MICALL2: variants seen among roughly 807,000 people sequenced by gnomAD.
MICALL2 encodes the protein MICAL like 2.
A neutral mutation model predicts 91.1 loss-of-function variants in MICALL2; 111 were observed. The observed-to-expected ratio is 1.22, with a 90% CI of 1.04 to 1.43. The LOEUF is 1.43. Among genes scored for constraint, MICALL2 ranks in the 40% most tolerant of loss-of-function variants. The probability of loss-of-function intolerance (pLI) is 0.00; values close to 1 mark genes in which losing one functional copy is unlikely to be tolerated. For missense variants in MICALL2, 1,556 were observed against 1,236.0 expected, an observed-to-expected ratio of 1.26 and a Z score of -3.88; for synonymous variants, 694 against 525.3, an observed-to-expected ratio of 1.32 and a Z score of -4.39.
chr7:1,435,003 G>A (rs1277130879), intron 16 of MICALL2, 98 bp downstream of exon 16: 5 of 75,966 alleles, frequency 6.6e-5, no homozygotes, highest in Non-Finnish European at 1.3e-4. Flanking sequence ...CCCACCCCCA[G>A]CTGGAGGCCC....
In MICALL2 at chr7:1,440,006, C is replaced by A. The variant is rs112889477; in HGVS notation, c.1885G>T (p.Ala629Ser). ...GTCAGGGTGATGTGGACACTCCCAG[C>A]AAAGCTGCCTGAGACCTTCCTGGGG... Reference protein sequence around the residue: ...EAPRKVSGSFAGSVHITLTPV... With the variant: ...EAPRKVSGSFSGSVHITLTPV... Residue 629 changes from alanine to serine, a missense_variant, in exon 9 of 17, where the codon GCT (alanine) becomes TCT (serine). By Grantham distance (99) the Ala-to-Ser change is moderately conservative. Transcript: ENST00000297508. The A allele has an allele frequency of 0.032, 49,785 of 1,555,512 alleles. 1,021 individuals are homozygous for A. The highest frequency in any genetic ancestry group is 0.039 in the Non-Finnish European group (45,352 of 1,161,654).
rs571300515 is a variant in MICALL2 at position 1,438,290 on chromosome 7, C to T, written c.2186G>A (p.Arg729Lys). 8 of 1,598,254 alleles carry T rather than the reference C, an allele frequency of 5.0e-6. No homozygotes were observed. The Admixed American group carries it at 6.9e-5, about 14-fold the overall frequency. ...LPGETVTSPVRLHPDYLSPEE... is the reference protein window; with the variant it reads ...LPGETVTSPVKLHPDYLSPEE... ...GCCCGGCTCCCCACCACTACTCACC[C>T]TGACTGGGGAGGTCACCGTCTCGCC... Residue 729 changes from arginine to lysine, a missense_variant and splice_region_variant, in exon 11 of 17, where the codon AGG (arginine) becomes AAG (lysine). Coordinates refer to ENST00000297508, the MANE Select transcript of MICALL2 (RefSeq NM_182924.4).
intron 1 of MICALL2, among the ~76,000 whole-genome samples, chr7:1,454,157 G>A (rs981829776): frequency 1.4e-5 from 2 of 144,036 alleles, no homozygotes; most frequent in South Asian, 2.4e-4. Context: ...ACAAGATTCC[G>A]CCATGGAGTG....
intron 9 of MICALL2, 30 bp from the exon 10 acceptor site, chr7:1,439,025 CT>C (rs767604862): frequency 1.5e-5 from 24 of 1,549,666 alleles, no homozygotes; most frequent in Non-Finnish European, 1.9e-5. Context: ...CAGAGCCACG[CT>C]TCAGAGCAGG....
At chr7:1,458,593 G>A (rs1262239318) in intron 1 of MICALL2, among the ~76,000 whole-genome samples, 2 of 152,262 alleles carry the variant, frequency 1.3e-5, no homozygotes, top group Admixed American at 6.5e-5. Context: ...GGGAGAGACA[G>A]CCTAGTCCTC....
chr7:1,440,729 G>T, intron 7 of MICALL2, 45 bp from the exon 8 acceptor site: 1 of 1,524,212 alleles, frequency 6.6e-7, no homozygotes, highest in South Asian at 1.1e-5. Context: ...GGAGTGCTGG[G>T]AATGGGGTGT....
intron 14 of MICALL2, 120 bp from the exon 15 acceptor site, chr7:1,436,976 G>T: frequency 1.5e-6 from 1 of 672,612 alleles, no homozygotes; most frequent in Non-Finnish European, 2.4e-6. Flanking sequence ...TGGGGTCTTG[G>T]GGGGATCCGG....
chr7:1,459,243 C>T lies in MICALL2; in HGVS notation c.84G>A (p.Thr28=). ...YRDVNICNMT[T]SFRDGLAFCA... ...AGAAAGCCAGGCCGTCGCGGAACGA[C>T]GTGGTCATGTTGCAGATATTCACGT... Residue 28 remains threonine (T), a synonymous_variant, in exon 1 of 17, where the codon ACG becomes ACA. Transcript: ENST00000297508. The T allele has an allele frequency of 1.2e-6, 2 of 1,611,246 alleles. No homozygotes were observed. The highest frequency in any genetic ancestry group is 2.2e-5 in the East Asian group (1 of 44,736).
rs1780207690 is a variant in MICALL2, at chr7:1,440,096, G to A, written c.1806-11C>T. 3 of 1,585,540 alleles carry A rather than the reference G, an allele frequency of 1.9e-6. No individual in the cohort carries two copies. The highest frequency in any genetic ancestry group is 1.7e-4 in the Middle Eastern group (1 of 5,846). ...TTGGGCTTCAGAGTCCTGGGCAGAA[G>A]GCATGAGGTCGGAACCCGAACCACC... On this transcript the variant is annotated splice_polypyrimidine_tract_variant and intron_variant, in intron 8 of 16. Transcript: ENST00000297508.
rs1284582884 is a variant in MICALL2 at position 1,445,380 on chromosome 7, T to C, written c.690A>G (p.Thr230=). ...CTLHSGAYKA[T]GEPGTFVCTS... is the part of the protein sequence containing the mutation. ...TGCAGACGAAGGTGCCCGGCTCTCC[T>C]GTGGCCTTGTAGGCCCCCGAGTGCA... The change falls in exon 6 of 17, where the codon ACA becomes ACG. Residue 230 remains threonine (T), a synonymous_variant. Transcript: ENST00000297508. The C allele has an allele frequency of 1.3e-6, 2 of 1,581,192 alleles. No individual in the cohort carries two copies. The highest frequency in any genetic ancestry group is 2.3e-5 in the East Asian group (1 of 43,608).
intron 13 of MICALL2, 105 bp downstream of exon 13, chr7:1,437,785 G>A: frequency 2.4e-6 from 3 of 1,267,894 alleles, no homozygotes; most frequent in East Asian, 5.0e-5. Context: ...CTGCCGCACA[G>A]ACATGCATCT....
Position 1,440,067 on chromosome 7 carries a change from T to C in MICALL2, c.1824A>G (p.Glu608=). 6.3e-7 allele frequency: 1 copy of C among 1,587,272 alleles called. No individual in the cohort carries two copies. Among genetic ancestry groups the C allele is most frequent in the East Asian group, 2.4e-5 (1 of 42,362 alleles). Residue 608 remains glutamate, a synonymous_variant, in exon 9 of 17, where the codon GAA becomes GAG. Coordinates refer to ENST00000297508, the MANE Select transcript of MICALL2 (RefSeq NM_182924.4). ...SPAERTLKPK[E]PRALAEPRAG... is the part of the protein sequence containing the mutation. Reference sequence around the variant, plus strand: ...CCCTCGGCTCTGCCAGGGCCCGTGGTTCCTTGGGCTTCAGAGTCCTGGGCA... The same window carrying C: ...CCCTCGGCTCTGCCAGGGCCCGTGGCTCCTTGGGCTTCAGAGTCCTGGGCA...
At chr7:1,436,579 A>C (rs952765687) in intron 15 of MICALL2, among the ~76,000 whole-genome samples, 163 bp downstream of exon 15, 1 of 148,714 alleles carries the variant, frequency 6.7e-6, no homozygotes, top group South Asian at 2.1e-4. Context: ...AGACTTCAAA[A>C]AGTCCCCGAT....
rs1343076226 is a variant in MICALL2, at chr7:1,444,704, G to C, written c.1366C>G (p.Leu456Val). 6.2e-7 allele frequency: 1 copy of C among 1,612,300 alleles called. No homozygotes were observed. The highest frequency in any genetic ancestry group is 8.5e-7 in the Non-Finnish European group (1 of 1,179,852). The change falls in exon 6 of 17, where the codon CTC (leucine) becomes GTC (valine). Residue 456 changes from leucine to valine, a missense_variant. Coordinates refer to ENST00000297508, the MANE Select transcript of MICALL2 (RefSeq NM_182924.4). ...DSSKEQARNF[L>V]KQALSALEEA... is the part of the protein sequence containing the mutation. ...TCCAGCGCTGAGAGGGCCTGCTTGAGGAAGTTCCGCGCCTGCTCCTTGCTG... is the reference window on the plus strand; with the variant it reads ...TCCAGCGCTGAGAGGGCCTGCTTGACGAAGTTCCGCGCCTGCTCCTTGCTG...
At chr7:1,459,102 G>GCCGCCCGGGCCTCAGTTTCC in intron 1 of MICALL2, 82 bp downstream of exon 1, 1 of 1,433,554 alleles carries the variant, frequency 7.0e-7, no homozygotes. Flanking sequence ...CCATCCCCCA[G>GCCGCCCGGGCCTCAGTTTCC]CCGCCCGGGC....
intron 4 of MICALL2, among the ~76,000 whole-genome samples, chr7:1,447,307 G>A (rs1383375160): frequency 6.6e-6 from 1 of 152,184 alleles, no homozygotes; most frequent in East Asian, 1.9e-4. Flanking sequence ...CTCCCCGGGA[G>A]AGAGGTATCC....
chr7:1,444,529 A>C, intron 6 of MICALL2, 123 bp downstream of exon 6: 1 of 922,688 alleles, frequency 1.1e-6, no homozygotes, highest in Non-Finnish European at 1.6e-6. Flanking sequence ...GGCTGGGGGA[A>C]GTGCAGTCCC....
chr7:1,437,673 C>A (rs1008877485), intron 13 of MICALL2, 65 bp from the exon 14 acceptor site: 4 of 1,483,370 alleles, frequency 2.7e-6, no homozygotes, highest in Admixed American at 4.0e-5. Context: ...GCCCGCCCAG[C>A]CCGCAACGAG....
intron 6 of MICALL2, among the ~76,000 whole-genome samples, chr7:1,444,030 C>T (rs1011952484): frequency 6.6e-6 from 1 of 150,946 alleles, no homozygotes; most frequent in South Asian, 2.1e-4. Flanking sequence ...CGACCTGTCC[C>T]CGCGTCCACT....
Sources: gnomAD v4.1 joint callset for allele counts (sites outside exome capture counted in the v4.1 genomes callset) on GRCh38, gnomAD v4.1.1 for gene constraint, MANE v1.5 for transcripts, NCBI Gene and HGNC (gene_info 2026-07-23, HGNC 2026-07-21) for gene names.